NUP160: variants seen among roughly 807,000 people sequenced by gnomAD.
NUP160 encodes nuclear pore complex protein Nup160.
Under a neutral mutation model 196.9 loss-of-function variants are expected in NUP160, and 94 were observed. The observed-to-expected ratio is 0.48, with a 90% CI of 0.40 to 0.57. The LOEUF (loss-of-function observed/expected upper bound fraction) is 0.57. Among genes scored for constraint, NUP160 ranks in the 20% least tolerant of loss-of-function variants. The pLI, the probability that NUP160 is intolerant of heterozygous loss-of-function variation, is 0.00. For synonymous variants in NUP160, 605 were observed against 619.7 expected (o/e 0.98, Z 0.35); for missense variants, 1,638 against 1,748.3 (o/e 0.94, Z 1.13).
At chr11:47,827,304 C>T (rs1363084234) in intron 7 of NUP160, 1 of 360,508 alleles carries the variant, frequency 2.8e-6, no homozygotes. Flanking sequence ...GTGGAGGTTG[C>T]AGTGAGCTGA....
chr11:47,789,343 C>T (rs569841003), intron 29 of NUP160, among the ~76,000 whole-genome samples: 10 of 152,284 alleles, frequency 6.6e-5, no homozygotes, highest in African/African-American at 2.4e-4. Context: ...TACTGTCTGT[C>T]ATCTCTATCA....
intron 17 of NUP160, among the ~76,000 whole-genome samples, chr11:47,811,511 GA>G (rs961532716): frequency 6.1e-4 from 92 of 149,896 alleles, no homozygotes; most frequent in African/African-American, 2.2e-3. Context: ...AGAGAGACAG[GA>G]AAAAAAAAGA....
At position 47,811,512 on chromosome 11, in the gene NUP160, A is replaced by G. The variant is rs563313077; in HGVS notation, c.2241+552T>C. Among the ~76,000 whole-genome samples, 176 of 150,744 alleles carry G rather than the reference A, an allele frequency of 1.2e-3. 5 individuals are homozygous for G. The South Asian group carries it at 0.035, about 30-fold the overall frequency. On this transcript the variant is annotated intron_variant, in intron 17 of 35. Coordinates refer to ENST00000378460, the Ensembl canonical transcript of NUP160. ...AAAAAAAAAAAGAGAGAGAGACAGG[A>G]AAAAAAAAGAGTTTTCTTTTTCTTC... is the stretch of plus-strand genomic sequence containing the variant.
chr11:47,822,260 A>AT (rs1222441161), intron 7 of NUP160, 96 bp from the exon 8 acceptor site: 127 of 872,698 alleles, frequency 1.5e-4, no homozygotes, highest in African/African-American at 1.4e-3. Context: ...TTTAAAAAAA[A>AT]ATTTTTTTTT....
intron 7 of NUP160, among the ~76,000 whole-genome samples, chr11:47,825,344 G>A (rs963134872): frequency 6.6e-6 from 1 of 151,390 alleles, no homozygotes; most frequent in African/African-American, 2.4e-5. Context: ...GTGCAGTGGT[G>A]TGATCTCGGC....
chr11:47,837,816 A>C (rs73456963), intron 4 of NUP160, among the ~76,000 whole-genome samples, 193 bp from the exon 5 acceptor site: 2,558 of 152,348 alleles, frequency 0.017, 45 homozygotes, highest in African/African-American at 0.046. Flanking sequence ...CCATAAAAAT[A>C]GCATTTTTAT....
At chr11:47,818,120 A>T in exon 11 of NUP160, 1 of 1,604,870 alleles carries the variant, frequency 6.2e-7, no homozygotes, top group Non-Finnish European at 8.5e-7. Flanking sequence ...TTGCAGATAC[A>T]TCTCCTATTA....
exon 1 of NUP160, chr11:47,848,300 G>A: frequency 4.3e-6 from 7 of 1,613,950 alleles, no homozygotes; most frequent in South Asian, 1.1e-5. Context: ...CTCCGTTCCA[G>A]GGCTCCCGCC....
intron 34 of NUP160, among the ~76,000 whole-genome samples, chr11:47,781,155 G>A (rs989977168): frequency 3.3e-5 from 5 of 151,936 alleles, no homozygotes; most frequent in Admixed American, 6.5e-5. Flanking sequence ...CCCGGGAGGC[G>A]GAGGTTACAG....
At chr11:47,821,524 A>C in intron 9 of NUP160, 200 bp downstream of exon 9, 1 of 524,550 alleles carries the variant, frequency 1.9e-6, no homozygotes, top group Non-Finnish European at 3.4e-6. Flanking sequence ...CACCAGGCCC[A>C]GCTAATTTTT....
rs1410174781 is a variant in NUP160, at chr11:47,840,604, C to T, written c.315-16G>A. The T allele has an allele frequency of 6.5e-7, 1 of 1,549,052 alleles. No individual in the cohort carries two copies. The highest frequency in any genetic ancestry group is 1.9e-5 in the Admixed American group (1 of 52,758). On this transcript the variant is annotated splice_polypyrimidine_tract_variant and intron_variant, in intron 2 of 35. Transcript: ENST00000378460. ...AGAGGTCTTCCTGTTGAAAAAGAGA[C>T]ATTTGTTTGAAAAGTTTATGCTTTT...
intron 7 of NUP160, among the ~76,000 whole-genome samples, chr11:47,831,758 G>A (rs1018426545): frequency 6.8e-6 from 1 of 146,550 alleles, no homozygotes; most frequent in Non-Finnish European, 1.5e-5. Flanking sequence ...CAGGGGAACT[G>A]CTTGAACCTG....
chr11:47,815,727 A>G, intron 12 of NUP160, 78 bp from the exon 13 acceptor site: 2 of 1,256,178 alleles, frequency 1.6e-6, no homozygotes, highest in Non-Finnish European at 1.1e-6. Context: ...TAATTGTCCA[A>G]TATCATTATA....
chr11:47,783,173 C>A (rs759742832), exon 34 of NUP160: 7 of 1,613,340 alleles, frequency 4.3e-6, no homozygotes, highest in Non-Finnish European at 5.9e-6. Flanking sequence ...TAAGTATAAA[C>A]GAAGCAATTC....
At chr11:47,789,967 CAG>C (rs1206366540) in intron 29 of NUP160, among the ~76,000 whole-genome samples, 4 of 139,044 alleles carry the variant, frequency 2.9e-5, no homozygotes, top group African/African-American at 8.1e-5. Flanking sequence ...TTTTTTGAGA[CAG>C]AGTTTCGCCC....
intron 10 of NUP160, 111 bp downstream of exon 10, chr11:47,819,263 A>C: frequency 1.4e-6 from 1 of 733,366 alleles, no homozygotes; most frequent in Non-Finnish European, 2.3e-6. Context: ...CAGTGAGCCA[A>C]GATCATGCCA....
intron 29 of NUP160, among the ~76,000 whole-genome samples, chr11:47,789,533 T>G (rs2097666705): frequency 6.6e-6 from 1 of 152,168 alleles, no homozygotes; most frequent in Non-Finnish European, 1.5e-5. Flanking sequence ...AAAAACCACA[T>G]TCTTATTTAA....
chr11:47,839,997 AG>A lies in NUP160; in HGVS notation c.593del (p.Pro198LeufsTer6), dbSNP rs1404342483. ...CTGCTGGAATTAACTGATAGTTGCA[AG>A]GATCTGTGAAATCAACTTTTCCAAT... On this transcript the variant is annotated frameshift_variant, in exon 4 of 36. Coordinates refer to ENST00000378460, the Ensembl canonical transcript of NUP160. LOFTEE classifies it high-confidence loss of function. 1 of 1,614,190 alleles carries A rather than the reference AG, an allele frequency of 6.2e-7. No individual in the cohort carries two copies.
intron 6 of NUP160, among the ~76,000 whole-genome samples, chr11:47,836,420 A>C (rs1363662956): frequency 9.9e-5 from 15 of 152,162 alleles, no homozygotes; most frequent in Admixed American, 9.8e-4. Context: ...TGAAAGGTCC[A>C]GTCTGGGTAA....
Sources: gnomAD v4.1 joint callset for allele counts (sites outside exome capture counted in the v4.1 genomes callset) on GRCh38, gnomAD v4.1.1 for gene constraint, MANE v1.5 for transcripts, NCBI Gene and HGNC (gene_info 2026-07-23, HGNC 2026-07-21) for gene names.